UBE2D3: variants seen among roughly 807,000 people sequenced by gnomAD.
The protein encoded by UBE2D3 is ubiquitin conjugating enzyme E2 D3.
In UBE2D3, 2 loss-of-function variants were observed where a neutral mutation model predicts 22.8. The ratio of observed to expected loss-of-function variants is 0.09; its 90% confidence interval spans 0.04 to 0.28. The LOEUF (loss-of-function observed/expected upper bound fraction) is 0.28. Among genes scored for constraint, UBE2D3 ranks in the 10% least tolerant of loss-of-function variants. UBE2D3 has a pLI of 1.00. For missense variants in UBE2D3, 27 were observed against 182.5 expected (o/e 0.15, Z 4.91); for synonymous variants, 56 against 60.4 (o/e 0.93, Z 0.34).
chr4:102,826,632 G>A lies in UBE2D3; in HGVS notation c.-124C>T, dbSNP rs1578270007. 9 of 1,576,120 alleles carry A rather than the reference G, an allele frequency of 5.7e-6. No individual in the cohort carries two copies. The highest frequency in any genetic ancestry group is 6.8e-6 in the Non-Finnish European group (8 of 1,169,668). On this transcript the variant is annotated 5_prime_UTR_variant, in exon 2 of 8. Coordinates refer to ENST00000453744, the MANE Select transcript of UBE2D3 (RefSeq NM_181891.3). ...TCTCACACCAGCTCTGCCAGACACA[G>A]GCGCCTTTTGCAAAAACGGAGCAGA...
intron 5 of UBE2D3, chr4:102,802,325 A>C (rs892814357): frequency 3.0e-6 from 1 of 327,952 alleles, no homozygotes; most frequent in Non-Finnish European, 5.5e-6. Flanking sequence ...TGAGGGCGGA[A>C]GCTTCCACAT....
chr4:102,852,857 A>C (rs561572211), intron 1 of UBE2D3, among the ~76,000 whole-genome samples: 97 of 152,306 alleles, frequency 6.4e-4, no homozygotes, highest in Non-Finnish European at 1.1e-3. Context: ...CCAGCTATCT[A>C]TAACAATACC....
intron 4 of UBE2D3, among the ~76,000 whole-genome samples, chr4:102,804,720 C>A (rs1726759782): frequency 6.6e-6 from 1 of 152,166 alleles, no homozygotes; most frequent in Non-Finnish European, 1.5e-5. Flanking sequence ...GTCGCCCAGA[C>A]TGGAGTGCAG....
chr4:102,804,336 A>AT (rs1578226916), intron 4 of UBE2D3, among the ~76,000 whole-genome samples: 1 of 151,872 alleles, frequency 6.6e-6, no homozygotes, highest in East Asian at 2.0e-4. Context: ...CTAATTTTTT[A>AT]TTTTTAGTAG....
intron 1 of UBE2D3, among the ~76,000 whole-genome samples, chr4:102,847,400 C>T (rs1353908745): frequency 6.6e-6 from 1 of 152,176 alleles, no homozygotes; most frequent in Middle Eastern, 3.4e-3. Context: ...ATTCTCATGC[C>T]TCAGCCTCCC....
chr4:102,821,407 G>C (rs529252979), intron 2 of UBE2D3, among the ~76,000 whole-genome samples: 4 of 152,120 alleles, frequency 2.6e-5, no homozygotes, highest in Admixed American at 2.6e-4. Flanking sequence ...ACTGAACGCA[G>C]AGATTACCAT....
At chr4:102,843,364 A>G (rs1731868097) in intron 1 of UBE2D3, 1 of 151,992 alleles carries the variant, frequency 6.6e-6, no homozygotes, top group Admixed American at 6.6e-5. Flanking sequence ...GAGATGTAAC[A>G]CCTGACCATG....
intron 4 of UBE2D3, among the ~76,000 whole-genome samples, chr4:102,803,819 A>G (rs1671908561): frequency 6.6e-6 from 1 of 152,228 alleles, no homozygotes; most frequent in African/African-American, 2.4e-5. Context: ...CTCAGGCTTA[A>G]GCGCAGTGGC....
rs1334018522 is a variant in UBE2D3, at chr4:102,795,862, A to G, written c.*1553T>C. 1.3e-5 allele frequency: 2 copies of G among 152,436 alleles called. No homozygotes were observed. The highest frequency in any genetic ancestry group is 2.9e-5 in the Non-Finnish European group (2 of 67,936). 9.4% of individuals were successfully genotyped at this position (152,436 alleles called of 1,614,324 possible). A position where few individuals can be genotyped will look rare whatever the true frequency, so the allele number is the denominator to read the frequency against. On this transcript the variant is annotated 3_prime_UTR_variant, in exon 8 of 8. Transcript: ENST00000453744. ...AGCAGTGAACAAAATCAAAATAAAC[A>G]GGAAAAATGTAAAACTATGGGATCA... is the stretch of plus-strand genomic sequence containing the variant.
At chr4:102,853,039 CTAA>C (rs923165912) in intron 1 of UBE2D3, among the ~76,000 whole-genome samples, 3 of 150,938 alleles carry the variant, frequency 2.0e-5, no homozygotes, top group African/African-American at 4.9e-5. Context: ...ATAACATACT[CTAA>C]TAACAATGCT....
chr4:102,809,943 C>T (rs1006287424), intron 2 of UBE2D3, 88 bp from the exon 3 acceptor site: 3 of 1,325,340 alleles, frequency 2.3e-6, no homozygotes, highest in Non-Finnish European at 3.2e-6. Flanking sequence ...TACTTTCACC[C>T]TATTTTTAAA....
chr4:102,811,071 C>G (rs943010443), intron 2 of UBE2D3: 1 of 147,904 alleles, frequency 6.8e-6, no homozygotes, highest in Non-Finnish European at 1.5e-5. Flanking sequence ...CAGAAGACCA[C>G]TAGGTACGTG....
intron 2 of UBE2D3, chr4:102,825,832 T>TA (rs537695893): frequency 6.6e-6 from 3 of 451,996 alleles, no homozygotes; most frequent in African/African-American, 2.0e-5. Context: ...GTCCCTCGGA[T>TA]AAATAGCTTC....
At chr4:102,825,623 C>G in intron 2 of UBE2D3, 1 of 1,214,540 alleles carries the variant, frequency 8.2e-7, no homozygotes, top group African/African-American at 1.6e-5. Context: ...CCGAAAAATC[C>G]TAGTTTTTTT....
chr4:102,830,453 A>G (rs1731059643), upstream of UBE2D3, among the ~76,000 whole-genome samples: 1 of 152,274 alleles, frequency 6.6e-6, no homozygotes, highest in African/African-American at 2.4e-5. Flanking sequence ...AAATTTAATT[A>G]ACTAAAAATA....
chr4:102,809,968 C>A, intron 2 of UBE2D3, 113 bp from the exon 3 acceptor site: 4 of 979,212 alleles, frequency 4.1e-6, no homozygotes, highest in Non-Finnish European at 6.4e-6. Flanking sequence ...CACTCCATCA[C>A]AATTCACATA....
Position 102,826,126 on chromosome 4 carries a change from G to A in UBE2D3, c.24+359C>T, listed in dbSNP as rs371004742. 1.1e-4 allele frequency among the ~76,000 whole-genome samples: 16 copies of A among 151,878 alleles called. No individual in the cohort carries two copies. In the East Asian group the frequency reaches 3.1e-3, roughly 29 times the overall value. On this transcript the variant is annotated intron_variant, in intron 2 of 7. Transcript: ENST00000453744. ...CTAAGTTTTCAAGCACCAAGAATAG[G>A]AAGCGCCATGACATCTGCTGGAGCG...
At chr4:102,867,575 A>C (rs982997297) in intron 1 of UBE2D3, among the ~76,000 whole-genome samples, 4 of 152,200 alleles carry the variant, frequency 2.6e-5, no homozygotes, top group Admixed American at 6.5e-5. Context: ...TCTTTTAGAG[A>C]TATTAATAAA....
chr4:102,864,619 A>C (rs1160884802), intron 1 of UBE2D3, among the ~76,000 whole-genome samples: 2 of 152,234 alleles, frequency 1.3e-5, no homozygotes, highest in African/African-American at 4.8e-5. Context: ...CATATCAAAG[A>C]GAAGAAAACT....
Sources: gnomAD v4.1 joint callset for allele counts (sites outside exome capture counted in the v4.1 genomes callset) on GRCh38, gnomAD v4.1.1 for gene constraint, MANE v1.5 for transcripts, NCBI Gene and HGNC (gene_info 2026-07-23, HGNC 2026-07-21) for gene names.